TRPM3: variants seen among roughly 807,000 people sequenced by gnomAD.
The protein encoded by TRPM3 is transient receptor potential cation channel subfamily M member 3.
Under a neutral mutation model 181.2 loss-of-function variants are expected in TRPM3, and 77 were observed. The ratio of observed to expected loss-of-function variants is 0.42; its 90% confidence interval spans 0.35 to 0.51. TRPM3 has a LOEUF of 0.51. TRPM3 is among the 20% of genes least tolerant of loss of function. The probability of loss-of-function intolerance (pLI) is 0.01; values close to 1 mark genes in which losing one functional copy is unlikely to be tolerated. For missense variants in TRPM3, 1,759 were observed against 2,196.7 expected, an observed-to-expected ratio of 0.80 and a Z score of 3.98; for synonymous variants, 745 against 796.4, an observed-to-expected ratio of 0.94 and a Z score of 1.09.
At chr9:71,309,541 T>C (rs567601183) in intron 1 of TRPM3, among the ~76,000 whole-genome samples, 36 of 152,300 alleles carry the variant, frequency 2.4e-4, no homozygotes, top group African/African-American at 7.5e-4. Context: ...TAAAGTATGC[T>C]CTGCAAAATC....
At chr9:70,755,556 G>C (rs760080912) in intron 8 of TRPM3, among the ~76,000 whole-genome samples, 9 of 151,970 alleles carry the variant, frequency 5.9e-5, no homozygotes, top group Non-Finnish European at 1.0e-4. Context: ...TTTTAGTAGA[G>C]ACGGGGTTTC....
intron 1 of TRPM3, among the ~76,000 whole-genome samples, chr9:70,944,243 A>G (rs184257677): frequency 2.0e-5 from 3 of 152,216 alleles, no homozygotes; most frequent in Non-Finnish European, 4.4e-5. Flanking sequence ...GAGCATCAGC[A>G]TCCTTAATGA....
chr9:71,018,011 A>G (rs575163322), intron 1 of TRPM3, among the ~76,000 whole-genome samples: 39 of 152,052 alleles, frequency 2.6e-4, no homozygotes, highest in Admixed American at 2.0e-3. Context: ...AGGACTTCAA[A>G]TAACAAAAAG....
At chr9:71,183,493 G>C (rs949908349) in intron 1 of TRPM3, among the ~76,000 whole-genome samples, 3 of 152,034 alleles carry the variant, frequency 2.0e-5, no homozygotes, top group Non-Finnish European at 4.4e-5. Context: ...TGCTTCTCCT[G>C]CAAATCACCC....
intron 9 of TRPM3, among the ~76,000 whole-genome samples, chr9:70,665,011 C>T (rs1294558073): frequency 6.6e-6 from 1 of 152,164 alleles, no homozygotes; most frequent in African/African-American, 2.4e-5. Context: ...ACTCTGGATT[C>T]TCCAGTGGCA....
chr9:70,598,366 T>C (rs2059363631), intron 21 of TRPM3, 53 bp downstream of exon 21: 1 of 1,592,436 alleles, frequency 6.3e-7, no homozygotes, highest in Admixed American at 1.7e-5. Flanking sequence ...CTATCTATTA[T>C]CACCATTCCT....
chr9:71,419,394 A>G (rs1212228048), intron 1 of TRPM3, among the ~76,000 whole-genome samples: 1 of 151,892 alleles, frequency 6.6e-6, no homozygotes, highest in Non-Finnish European at 1.5e-5. Context: ...AAGATACCAC[A>G]TTTTCTAGTG....
chr9:70,946,937 T>C (rs1193813817), intron 1 of TRPM3, among the ~76,000 whole-genome samples: 2 of 152,212 alleles, frequency 1.3e-5, no homozygotes, highest in Non-Finnish European at 2.9e-5. Context: ...CACCTGTAAA[T>C]TGACCACAAT....
chr9:71,064,926 C>T (rs1163355790), intron 1 of TRPM3, among the ~76,000 whole-genome samples: 1 of 152,090 alleles, frequency 6.6e-6, no homozygotes, highest in South Asian at 2.1e-4. Flanking sequence ...GGTTGTGGCA[C>T]ATTCCAGTTA....
intron 1 of TRPM3, among the ~76,000 whole-genome samples, chr9:71,287,532 C>T (rs2132245637): frequency 6.6e-6 from 1 of 151,934 alleles, no homozygotes; most frequent in African/African-American, 2.4e-5. Context: ...CTAGCGTAGG[C>T]TCTCAGTTTG....
chr9:70,762,194 C>A (rs1309406523), intron 7 of TRPM3, among the ~76,000 whole-genome samples: 1 of 152,134 alleles, frequency 6.6e-6, no homozygotes, highest in Non-Finnish European at 1.5e-5. Context: ...TTTGAACATC[C>A]ATAAGCAGAA....
intron 1 of TRPM3, among the ~76,000 whole-genome samples, chr9:71,220,816 A>G (rs949121889): frequency 6.6e-6 from 1 of 152,120 alleles, no homozygotes; most frequent in African/African-American, 2.4e-5. Context: ...CTCCCAAGGA[A>G]AAAGCTGACC....
intron 1 of TRPM3, among the ~76,000 whole-genome samples, chr9:71,090,984 C>A (rs2066111730): frequency 6.6e-6 from 1 of 152,094 alleles, no homozygotes; most frequent in Non-Finnish European, 1.5e-5. Context: ...CATTTTTCAA[C>A]TCCTCCCCCA....
intron 1 of TRPM3, among the ~76,000 whole-genome samples, chr9:70,898,027 C>T (rs1182107614): frequency 6.6e-6 from 1 of 152,120 alleles, no homozygotes; most frequent in Non-Finnish European, 1.5e-5. Flanking sequence ...ACATCCCCGA[C>T]CAGTGATACA....
intron 7 of TRPM3, chr9:70,774,649 A>C (rs2080997999): frequency 6.6e-6 from 1 of 152,168 alleles, no homozygotes; most frequent in Non-Finnish European, 1.5e-5. Context: ...ATAGGCTTAA[A>C]CAACTCCAAA....
chr9:71,362,183 T>A (rs1210814960), intron 1 of TRPM3, among the ~76,000 whole-genome samples: 9 of 152,202 alleles, frequency 5.9e-5, no homozygotes, highest in Admixed American at 4.6e-4. Flanking sequence ...GGTTCCCCTA[T>A]CCCCAGTCTG....
At chr9:71,007,437 G>A (rs904407588) in intron 1 of TRPM3, among the ~76,000 whole-genome samples, 18 of 151,850 alleles carry the variant, frequency 1.2e-4, no homozygotes, top group African/African-American at 3.4e-4. Context: ...AACAACACAC[G>A]GAACATTCTC....
At chr9:71,189,816 C>T (rs77889159) in intron 1 of TRPM3, among the ~76,000 whole-genome samples, 4,071 of 151,878 alleles carry the variant, frequency 0.027, 172 homozygotes, top group African/African-American at 0.09. Context: ...TGTATCTGTC[C>T]CCATCCAATG....
intron 1 of TRPM3, among the ~76,000 whole-genome samples, chr9:70,999,067 C>G (rs1164804218): frequency 2.0e-5 from 3 of 152,112 alleles, no homozygotes; most frequent in Non-Finnish European, 4.4e-5. Flanking sequence ...TTCAATTTTA[C>G]CTCAAGATGA....
Sources: gnomAD v4.1 joint callset for allele counts (sites outside exome capture counted in the v4.1 genomes callset) on GRCh38, gnomAD v4.1.1 for gene constraint, MANE v1.5 for transcripts, NCBI Gene and HGNC (gene_info 2026-07-23, HGNC 2026-07-21) for gene names.